KAZN: variants seen among roughly 807,000 people sequenced by gnomAD.
The protein encoded by KAZN is kazrin.
KAZN carries 40 observed loss-of-function variants against 87.4 expected under a neutral mutation model. The observed-to-expected ratio is 0.46, with a 90% CI of 0.36 to 0.60. The LOEUF is 0.60. KAZN is among the 20% of genes least tolerant of loss of function. The probability of loss-of-function intolerance (pLI) is 0.00; values close to 1 mark genes in which losing one functional copy is unlikely to be tolerated. For synonymous variants in KAZN, 466 were observed against 458.3 expected (o/e 1.02, Z -0.22); for missense variants, 898 against 1,073.9 (o/e 0.84, Z 2.29).
intron 2 of KAZN, among the ~76,000 whole-genome samples, chr1:15,014,046 G>A (rs946941760): frequency 1.3e-5 from 2 of 152,146 alleles, no homozygotes; most frequent in Non-Finnish European, 2.9e-5. Flanking sequence ...AGCTCATTCC[G>A]GAGGAGGGTT....
intron 2 of KAZN, among the ~76,000 whole-genome samples, chr1:14,512,743 T>TTGAA (rs1670979424): frequency 2.6e-5 from 4 of 152,146 alleles, no homozygotes; most frequent in Non-Finnish European, 4.4e-5. Context: ...CCCTGCTGGG[T>TTGAA]TTATGAGCGA....
rs1428150952 is a variant in KAZN at position 15,096,161 on chromosome 1, G to A, written c.1547+1228G>A. ...TCACCATCTTTGGTCACCCAAGTAG[G>A]AAATCCCTCCTGCCCCCTTACCCCA... On this transcript the variant is annotated intron_variant, in intron 10 of 14. Transcript: ENST00000376030. This position sits in a 1 kb window ranked among gnomAD's most constrained non-coding sequence, Gnocchi z 4.5. Among the ~76,000 whole-genome samples the A allele has an allele frequency of 6.6e-6, 1 of 152,086 alleles. No individual in the cohort carries two copies. Among genetic ancestry groups the A allele is most frequent in the Non-Finnish European group, 1.5e-5 (1 of 68,016 alleles).
At chr1:15,012,448 C>T (rs1320285374) in intron 2 of KAZN, among the ~76,000 whole-genome samples, 5 of 152,210 alleles carry the variant, frequency 3.3e-5, no homozygotes, top group Non-Finnish European at 7.3e-5. Context: ...TGGTACCTCA[C>T]CGCTGGGTTG....
intron 1 of KAZN, among the ~76,000 whole-genome samples, chr1:14,075,009 C>T (rs927793369): frequency 6.6e-5 from 10 of 151,850 alleles, no homozygotes; most frequent in South Asian, 2.1e-4. Context: ...TTTAGATCTA[C>T]GACTTATTTC....
At chr1:15,009,589 C>T (rs1017568408) in intron 2 of KAZN, among the ~76,000 whole-genome samples, 2 of 152,198 alleles carry the variant, frequency 1.3e-5, no homozygotes, top group Non-Finnish European at 2.9e-5. Flanking sequence ...CCCATGCAGA[C>T]GGGACAGCTG....
intron 1 of KAZN, among the ~76,000 whole-genome samples, chr1:14,056,637 C>A (rs61775661): frequency 0.14 from 21,273 of 152,092 alleles, 1,858 homozygotes; most frequent in Middle Eastern, 0.26. Context: ...ACCCTTATGT[C>A]ACCGATAAGG....
At chr1:14,621,818 C>T (rs1235842676) in intron 1 of KAZN, among the ~76,000 whole-genome samples, 1 of 152,290 alleles carries the variant, frequency 6.6e-6, no homozygotes, top group East Asian at 1.9e-4. Context: ...GTGAGGCCCC[C>T]CCTCAACCAT....
At chr1:14,042,097 G>T (rs1641862541) in intron 1 of KAZN, among the ~76,000 whole-genome samples, 1 of 151,934 alleles carries the variant, frequency 6.6e-6, no homozygotes, top group Admixed American at 6.6e-5. Flanking sequence ...ACTACTTATT[G>T]TTTTCTCTGT....
chr1:13,995,219 C>CAAAAAAA, intron 1 of KAZN, among the ~76,000 whole-genome samples: 1 of 107,388 alleles, frequency 9.3e-6, no homozygotes. Flanking sequence ...TGCAATAAGG[C>CAAAAAAA]AAAAAAAAAA....
At chr1:14,742,146 TG>T (rs1331728878) in intron 1 of KAZN, among the ~76,000 whole-genome samples, 1 of 152,190 alleles carries the variant, frequency 6.6e-6, no homozygotes, top group Non-Finnish European at 1.5e-5. Context: ...GAACTGTGAG[TG>T]GGGTCCTCTC....
intron 1 of KAZN, among the ~76,000 whole-genome samples, chr1:13,974,829 C>T (rs1331188177): frequency 6.6e-6 from 1 of 152,158 alleles, no homozygotes; most frequent in Non-Finnish European, 1.5e-5. Flanking sequence ...CCCCAGAAAA[C>T]CACTACACCA....
chr1:15,094,829 G>C lies in KAZN; in HGVS notation c.1443G>C (p.Leu481=). 6.5e-7 allele frequency: 1 copy of C among 1,550,114 alleles called. No homozygotes were observed. The highest frequency in any genetic ancestry group is 8.7e-7 in the Non-Finnish European group (1 of 1,146,370). Residue 481 remains leucine, a synonymous_variant, in exon 10 of 15, where the codon CTG becomes CTC. Coordinates refer to ENST00000376030, the MANE Select transcript of KAZN (RefSeq NM_201628.3). This position sits in a 1 kb window ranked among gnomAD's most constrained non-coding sequence, Gnocchi z 4.5. The part of the protein sequence containing the change: ...NVKSGKVLLS[L]SDEDLQLGLG... ...CCCGGGGGCAGGTGCTGCTGAGCCT[G>C]AGTGACGAGGACCTGCAGCTGGGCC...
chr1:14,347,220 A>C (rs2100927039), intron 2 of KAZN, among the ~76,000 whole-genome samples: 1 of 152,316 alleles, frequency 6.6e-6, no homozygotes, highest in East Asian at 1.9e-4. Context: ...TATCACGTAG[A>C]TTGTTCTGGC....
intron 1 of KAZN, among the ~76,000 whole-genome samples, chr1:14,684,907 C>T (rs1382675008): frequency 6.6e-6 from 1 of 152,098 alleles, no homozygotes; most frequent in Non-Finnish European, 1.5e-5. Flanking sequence ...TTTGTAATTT[C>T]TGGGGATTTA....
intron 8 of KAZN, among the ~76,000 whole-genome samples, chr1:15,080,924 G>A (rs1489457356): frequency 6.6e-6 from 1 of 152,218 alleles, no homozygotes; most frequent in Admixed American, 6.5e-5. Flanking sequence ...GCTGCTACAT[G>A]TCCTACGATG....
chr1:14,269,151 G>T (rs1366296738), intron 2 of KAZN, among the ~76,000 whole-genome samples: 2 of 152,168 alleles, frequency 1.3e-5, no homozygotes, highest in Non-Finnish European at 2.9e-5. Flanking sequence ...GCCCCCAAGG[G>T]GGTGAAAATT....
At chr1:14,065,535 C>T (rs773882046) in intron 1 of KAZN, among the ~76,000 whole-genome samples, 7 of 149,754 alleles carry the variant, frequency 4.7e-5, no homozygotes, top group Admixed American at 6.7e-5. Context: ...CTCTTAAACT[C>T]GAAAATCTTG....
At chr1:14,523,574 C>T (rs961719029) in intron 2 of KAZN, among the ~76,000 whole-genome samples, 13 of 152,250 alleles carry the variant, frequency 8.5e-5, no homozygotes, top group Non-Finnish European at 1.9e-4. Flanking sequence ...TTTTGCTGCT[C>T]CATCACCAGC....
chr1:14,727,959 G>A (rs1643482884), intron 1 of KAZN, among the ~76,000 whole-genome samples: 1 of 151,936 alleles, frequency 6.6e-6, no homozygotes, highest in Admixed American at 6.6e-5. Context: ...TCCCTCATAT[G>A]CGCAGTTCGC....
Sources: allele counts gnomAD v4.1 joint callset (sites outside exome capture counted in the v4.1 genomes callset), GRCh38; gene constraint gnomAD v4.1.1; non-coding constraint Gnocchi (gnomAD v3.1); transcripts MANE v1.5; gene names NCBI Gene and HGNC (gene_info 2026-07-23, HGNC 2026-07-21).